Variants in RASSF3 observed in about 807,000 individuals in gnomAD.
RASSF3 encodes Ras association domain family member 3, also known as ras association domain-containing protein 3.
In RASSF3, 19 loss-of-function variants were observed where a neutral mutation model predicts 19.9. The ratio of observed to expected loss-of-function variants is 0.96; its 90% CI spans 0.67 to 1.40. The LOEUF is 1.40. Among genes scored for constraint, RASSF3 ranks in the 40% most tolerant of loss-of-function variants. The probability of loss-of-function intolerance (pLI) is 0.00; values close to 1 mark genes in which losing one functional copy is unlikely to be tolerated. For synonymous variants in RASSF3, 110 were observed against 104.2 expected (o/e 1.06, Z -0.34); for missense variants, 306 against 289.8 (o/e 1.06, Z -0.41).
intron 1 of RASSF3, among the ~76,000 whole-genome samples, chr12:64,647,415 T>C (rs1026991456): frequency 1.0e-4 from 15 of 149,750 alleles, no homozygotes; most frequent in African/African-American, 3.4e-4. Flanking sequence ...TTTTTTTCTT[T>C]TTTTTTTTTT....
chr12:64,550,683 G>A (rs1333207155), intron 2 of RASSF3, among the ~76,000 whole-genome samples: 1 of 151,674 alleles, frequency 6.6e-6, no homozygotes, highest in Non-Finnish European at 1.5e-5. Flanking sequence ...AGGAGGCCAG[G>A]AGTGGTGGTG....
intron 1 of RASSF3, among the ~76,000 whole-genome samples, chr12:64,632,079 AG>A (rs1366853854): frequency 6.6e-6 from 1 of 152,130 alleles, no homozygotes; most frequent in Non-Finnish European, 1.5e-5. Context: ...ATATAATACA[AG>A]AGGGGGTGAC....
chr12:64,605,064 C>T (rs2136148447), intron 2 of RASSF3, among the ~76,000 whole-genome samples: 1 of 151,972 alleles, frequency 6.6e-6, no homozygotes, highest in Non-Finnish European at 1.5e-5. Context: ...CGGCTCACTG[C>T]AACCTCCACC....
chr12:64,582,257 A>G (rs1392343495), intron 2 of RASSF3, among the ~76,000 whole-genome samples: 1 of 152,190 alleles, frequency 6.6e-6, no homozygotes. Flanking sequence ...TTTCCCTTGT[A>G]GATCTTTCAG....
chr12:64,674,906 T>C (rs1008159), intron 1 of RASSF3, among the ~76,000 whole-genome samples: 18,388 of 152,146 alleles, frequency 0.12, 1,264 homozygotes, highest in East Asian at 0.3. Flanking sequence ...CTGTGTGCAC[T>C]CTTTCTCTCT....
At chr12:64,644,414 G>C (rs1400910047) in intron 1 of RASSF3, among the ~76,000 whole-genome samples, 1 of 152,094 alleles carries the variant, frequency 6.6e-6, no homozygotes, top group Non-Finnish European at 1.5e-5. Flanking sequence ...TATGTTTTCT[G>C]TCCAGGCAAG....
intron 1 of RASSF3, among the ~76,000 whole-genome samples, chr12:64,648,545 C>T (rs777111340): frequency 8.6e-5 from 13 of 150,900 alleles, no homozygotes; most frequent in Non-Finnish European, 1.6e-4. Context: ...AGATGGAGCA[C>T]GTTCCTGGCT....
At chr12:64,680,963 A>G (rs1264315101) in intron 1 of RASSF3, among the ~76,000 whole-genome samples, 1 of 152,066 alleles carries the variant, frequency 6.6e-6, no homozygotes, top group African/African-American at 2.4e-5. Flanking sequence ...TTACGTAAGG[A>G]TGTCTCAGTT....
intron 1 of RASSF3, among the ~76,000 whole-genome samples, chr12:64,665,482 G>A (rs1420852176): frequency 3.3e-5 from 5 of 152,060 alleles, no homozygotes; most frequent in Admixed American, 6.5e-5. Flanking sequence ...TATTAGTGAG[G>A]TAGGAGGTGG....
At chr12:64,690,707 A>G (rs1298581148) in intron 3 of RASSF3, among the ~76,000 whole-genome samples, 3 of 150,836 alleles carry the variant, frequency 2.0e-5, no homozygotes, top group Admixed American at 2.0e-4. Context: ...GCTGGTCTCG[A>G]ACTCCAGGCC....
chr12:64,531,101 C>T (rs923663681), upstream of RASSF3, among the ~76,000 whole-genome samples: 1 of 152,058 alleles, frequency 6.6e-6, no homozygotes, highest in African/African-American at 2.4e-5. Context: ...TGTCATCTTA[C>T]CTGGAAAATC....
At chr12:64,658,986 C>G (rs1477543516) in intron 1 of RASSF3, among the ~76,000 whole-genome samples, 1 of 152,150 alleles carries the variant, frequency 6.6e-6, no homozygotes, top group Non-Finnish European at 1.5e-5. Context: ...AGGAGGATAT[C>G]TTGAGCCCAA....
chr12:64,545,235 A>G (rs970237949), downstream of RASSF3, among the ~76,000 whole-genome samples: 1 of 152,250 alleles, frequency 6.6e-6, no homozygotes, highest in African/African-American at 2.4e-5. Context: ...TATTATGAGC[A>G]GCTCTAGGGA....
chr12:64,635,537 C>T (rs573804126), intron 1 of RASSF3, among the ~76,000 whole-genome samples: 2 of 152,306 alleles, frequency 1.3e-5, no homozygotes, highest in East Asian at 3.9e-4. Flanking sequence ...GGTACACTTG[C>T]AATACCTTTT....
rs143203371 is a variant in RASSF3, at chr12:64,617,299, T to C, written c.111+6556T>C. On this transcript the variant is annotated intron_variant, in intron 1 of 4. Transcript: ENST00000542104. Reference sequence around the variant, plus strand: ...TGTTTTAAGAAAACTCATCATTTATTCATTAATATATTTAGTTGACAATTT... The same window carrying C: ...TGTTTTAAGAAAACTCATCATTTATCCATTAATATATTTAGTTGACAATTT... 1.4e-3 allele frequency among the ~76,000 whole-genome samples: 220 copies of C among 152,350 alleles called. 2 individuals carry two copies. The highest frequency in any genetic ancestry group is 4.9e-3 in the African/African-American group (205 of 41,580).
At chr12:64,598,178 C>T (rs563678796) in intron 2 of RASSF3, among the ~76,000 whole-genome samples, 1 of 152,322 alleles carries the variant, frequency 6.6e-6, no homozygotes, top group African/African-American at 2.4e-5. Context: ...TTTGGCCTCT[C>T]AAAGTGCTGG....
chr12:64,671,833 A>G (rs1017957270), intron 1 of RASSF3, among the ~76,000 whole-genome samples: 2 of 152,152 alleles, frequency 1.3e-5, no homozygotes, highest in African/African-American at 4.8e-5. Context: ...TTCATTATTT[A>G]TTGCCTGAGG....
At chr12:64,656,136 A>G (rs1592449054) in intron 1 of RASSF3, among the ~76,000 whole-genome samples, 2 of 152,282 alleles carry the variant, frequency 1.3e-5, no homozygotes, top group East Asian at 3.9e-4. Context: ...GTTTACTAGA[A>G]AGAATTATTT....
intron 1 of RASSF3, among the ~76,000 whole-genome samples, chr12:64,508,678 A>G (rs887932933): frequency 6.6e-6 from 1 of 152,094 alleles, no homozygotes; most frequent in Non-Finnish European, 1.5e-5. Flanking sequence ...TGAGGTCGGG[A>G]GTTCAAGACC....
Sources: allele counts gnomAD v4.1 joint callset (sites outside exome capture counted in the v4.1 genomes callset), GRCh38; gene constraint gnomAD v4.1.1; transcripts MANE v1.5; gene names NCBI Gene and HGNC (gene_info 2026-07-23, HGNC 2026-07-21).